CNBD1: variants seen among roughly 807,000 people sequenced by gnomAD.
CNBD1 encodes cyclic nucleotide binding domain containing 1.
In CNBD1, 71 loss-of-function variants were observed where a neutral mutation model predicts 54.4. The observed-to-expected ratio is 1.30, with a 90% CI of 1.08 to 1.59. CNBD1 has a LOEUF of 1.59. CNBD1 is among the 40% of genes most tolerant of loss of function. CNBD1 has a pLI of 0.00. For synonymous variants in CNBD1, 182 were observed against 170.7 expected (o/e 1.07, Z -0.51); for missense variants, 659 against 518.0 (o/e 1.27, Z -2.64).
intron 4 of CNBD1, among the ~76,000 whole-genome samples, chr8:86,965,926 C>T (rs1181880400): frequency 6.6e-6 from 1 of 152,094 alleles, no homozygotes; most frequent in Non-Finnish European, 1.5e-5. Context: ...ATCCCATTGT[C>T]TCCAGCTATC....
intron 4 of CNBD1, among the ~76,000 whole-genome samples, chr8:87,205,511 C>G (rs530357762): frequency 6.6e-6 from 1 of 152,020 alleles, no homozygotes; most frequent in Non-Finnish European, 1.5e-5. Context: ...AAAGTACATA[C>G]GTATCTTTTC....
chr8:86,870,913 T>A (rs1432242619), intron 1 of CNBD1, among the ~76,000 whole-genome samples: 1 of 152,194 alleles, frequency 6.6e-6, no homozygotes, highest in African/African-American at 2.4e-5. Context: ...ATATAATCAA[T>A]GATAGTCCCA....
chr8:86,982,175 T>C (rs577320680), intron 4 of CNBD1, among the ~76,000 whole-genome samples: 2 of 152,338 alleles, frequency 1.3e-5, no homozygotes, highest in East Asian at 3.9e-4. Context: ...TGAACATGTT[T>C]TATGGGCTTA....
At chr8:87,137,613 G>A (rs779056617) in intron 4 of CNBD1, among the ~76,000 whole-genome samples, 1 of 152,134 alleles carries the variant, frequency 6.6e-6, no homozygotes, top group South Asian at 2.1e-4. Context: ...AAGGAGTCAG[G>A]GAAGATTTCC....
intron 6 of CNBD1, among the ~76,000 whole-genome samples, chr8:87,255,538 A>C (rs1299781282): frequency 1.3e-5 from 2 of 152,090 alleles, no homozygotes; most frequent in Non-Finnish European, 2.9e-5. Flanking sequence ...TATTTGAAAA[A>C]TCTATATAAA....
At chr8:87,109,680 A>C (rs1811618928) in intron 4 of CNBD1, among the ~76,000 whole-genome samples, 1 of 151,484 alleles carries the variant, frequency 6.6e-6, no homozygotes, top group African/African-American at 2.4e-5. Context: ...CTGGGACTAC[A>C]GGCGCCCGCC....
intron 4 of CNBD1, among the ~76,000 whole-genome samples, chr8:87,026,380 C>G (rs1053251294): frequency 2.7e-5 from 4 of 150,464 alleles, no homozygotes; most frequent in Non-Finnish European, 5.9e-5. Context: ...TCCCTCCCTT[C>G]TTCCCTTTCT....
chr8:86,966,479 C>T (rs1282353494), intron 4 of CNBD1, among the ~76,000 whole-genome samples: 1 of 152,176 alleles, frequency 6.6e-6, no homozygotes, highest in Non-Finnish European at 1.5e-5. Flanking sequence ...TCTGGACTTT[C>T]TTCCTTCTGG....
At chr8:86,922,389 TAGG>T (rs1809289312) in intron 3 of CNBD1, among the ~76,000 whole-genome samples, 1 of 152,106 alleles carries the variant, frequency 6.6e-6, no homozygotes. Flanking sequence ...TGCCAGGTCA[TAGG>T]AGCAATATTT....
intron 2 of CNBD1, among the ~76,000 whole-genome samples, chr8:87,388,835 C>CGAT (rs1563582760): frequency 6.6e-6 from 1 of 152,046 alleles, no homozygotes; most frequent in Non-Finnish European, 1.5e-5. Context: ...TGATTAACAT[C>CGAT]GATGCAAAAT....
intron 2 of CNBD1, among the ~76,000 whole-genome samples, chr8:87,393,972 A>C (rs941027195): frequency 6.6e-6 from 1 of 151,826 alleles, no homozygotes; most frequent in African/African-American, 2.4e-5. Flanking sequence ...TATGTAATGC[A>C]CTTACTTGAG....
chr8:87,389,363 G>T (rs533564890), intron 2 of CNBD1, among the ~76,000 whole-genome samples: 1 of 152,272 alleles, frequency 6.6e-6, no homozygotes, highest in South Asian at 2.1e-4. Flanking sequence ...CAGCGTCTCA[G>T]CCCAAAATCT....
intron 4 of CNBD1, among the ~76,000 whole-genome samples, chr8:87,077,648 A>G (rs1485298843): frequency 7.0e-6 from 1 of 142,686 alleles, no homozygotes; most frequent in Non-Finnish European, 1.5e-5. Flanking sequence ...ATTCCCACCT[A>G]TGAGTGAGAA....
intron 6 of CNBD1, among the ~76,000 whole-genome samples, chr8:87,244,024 T>C (rs1001034184): frequency 3.3e-5 from 5 of 152,150 alleles, no homozygotes; most frequent in African/African-American, 9.7e-5. Flanking sequence ...AAGTTTATTT[T>C]GCCAAAGTTA....
chr8:86,959,498 G>T (rs1446356538), intron 4 of CNBD1, among the ~76,000 whole-genome samples: 1 of 152,154 alleles, frequency 6.6e-6, no homozygotes, highest in Non-Finnish European at 1.5e-5. Flanking sequence ...ATGAGATGTA[G>T]ATTTGGTCTT....
intron 8 of CNBD1, among the ~76,000 whole-genome samples, chr8:87,317,478 T>C (rs978594699): frequency 6.6e-6 from 1 of 151,808 alleles, no homozygotes; most frequent in Non-Finnish European, 1.5e-5. Flanking sequence ...AATTTTTAAA[T>C]TTTATTGTTA....
chr8:87,141,061 A>G (rs1252026044), intron 4 of CNBD1, among the ~76,000 whole-genome samples: 1 of 152,124 alleles, frequency 6.6e-6, no homozygotes, highest in African/African-American at 2.4e-5. Context: ...GTTGTTAATT[A>G]TTTTTATTTT....
chr8:87,272,978 A>G (rs1052823108), intron 6 of CNBD1, among the ~76,000 whole-genome samples: 1 of 151,954 alleles, frequency 6.6e-6, no homozygotes, highest in Non-Finnish European at 1.5e-5. Flanking sequence ...TTTACAGTGT[A>G]ACATCCAAGT....
chr8:87,410,548 T>C (rs1807724500), intron 2 of CNBD1, among the ~76,000 whole-genome samples: 1 of 152,146 alleles, frequency 6.6e-6, no homozygotes, highest in Non-Finnish European at 1.5e-5. Flanking sequence ...ATACATCACC[T>C]CCTGGTGAAG....
Sources: gnomAD v4.1 joint callset for allele counts (sites outside exome capture counted in the v4.1 genomes callset) on GRCh38, gnomAD v4.1.1 for gene constraint, MANE v1.5 for transcripts, NCBI Gene and HGNC (gene_info 2026-07-23, HGNC 2026-07-21) for gene names.